The following RBFOX1 variants were observed in gnomAD, a reference collection of about 807,000 sequenced individuals.
RBFOX1 encodes RNA binding fox-1 homolog 1.
Under a neutral mutation model 57.7 loss-of-function variants are expected in RBFOX1, and 8 were observed. The ratio of observed to expected loss-of-function variants is 0.14; its 90% CI spans 0.08 to 0.25. The LOEUF (loss-of-function observed/expected upper bound fraction) is 0.25. Ranked by LOEUF, RBFOX1 falls within the 10% of genes least tolerant of loss-of-function variation. The pLI is 1.00. For missense variants in RBFOX1, 611 were observed against 548.5 expected, an observed-to-expected ratio of 1.11 and a Z score of -1.14; for synonymous variants, 326 against 222.4, an observed-to-expected ratio of 1.47 and a Z score of -4.15.
intron 3 of RBFOX1, among the ~76,000 whole-genome samples, chr16:6,860,204 C>G (rs1183109803): frequency 2.0e-5 from 3 of 152,130 alleles, no homozygotes; most frequent in African/African-American, 7.2e-5. Flanking sequence ...TGAATTCATT[C>G]AACAATATAT....
intron 4 of RBFOX1, among the ~76,000 whole-genome samples, chr16:5,940,429 C>A (rs549562911): frequency 8.5e-5 from 13 of 152,158 alleles, no homozygotes; most frequent in South Asian, 6.2e-4. Context: ...AATCTAGGCA[C>A]TGAGAATTGG....
intron 3 of RBFOX1, among the ~76,000 whole-genome samples, chr16:5,698,913 ATTTC>A (rs1257670350): frequency 1.4e-5 from 2 of 145,264 alleles, no homozygotes. Flanking sequence ...TTGTTTTCCT[ATTTC>A]TTTCTTTCCC....
chr16:5,803,898 T>G (rs868507072), intron 3 of RBFOX1, among the ~76,000 whole-genome samples: 3 of 152,164 alleles, frequency 2.0e-5, no homozygotes, highest in African/African-American at 7.2e-5. Flanking sequence ...TTCCACACCT[T>G]TGCATATACT....
chr16:5,585,273 T>C (rs1028056249), intron 2 of RBFOX1, among the ~76,000 whole-genome samples: 2 of 152,226 alleles, frequency 1.3e-5, no homozygotes, highest in Admixed American at 6.5e-5. Context: ...TGTATGGTAT[T>C]GGTAACTGGC....
At chr16:6,122,627 C>G (rs1174375862) in intron 1 of RBFOX1, among the ~76,000 whole-genome samples, 2 of 152,164 alleles carry the variant, frequency 1.3e-5, no homozygotes, top group Non-Finnish European at 2.9e-5. Context: ...TAATGATTGA[C>G]TGACAGTGGG....
chr16:7,593,792 G>A (rs2094557592), intron 7 of RBFOX1, among the ~76,000 whole-genome samples: 1 of 152,030 alleles, frequency 6.6e-6, no homozygotes, highest in Non-Finnish European at 1.5e-5. Flanking sequence ...AAGGATTTGG[G>A]TATCAGGGGT....
At chr16:5,670,495 G>A (rs902483168) in intron 3 of RBFOX1, among the ~76,000 whole-genome samples, 3 of 152,128 alleles carry the variant, frequency 2.0e-5, no homozygotes, top group Admixed American at 6.5e-5. Flanking sequence ...GGAAGATATG[G>A]GAACATATGC....
intron 4 of RBFOX1, among the ~76,000 whole-genome samples, chr16:7,151,167 A>T (rs544079772): frequency 6.6e-6 from 1 of 152,326 alleles, no homozygotes; most frequent in African/African-American, 2.4e-5. Flanking sequence ...TGGTTGCTGA[A>T]CTAGAGGCTA....
In RBFOX1 at chr16:6,881,686, C is replaced by T. The variant is rs142242909; in HGVS notation, c.-15-170371C>T. ...CATTCTTAGATGTTGGCAGTTAAGACTTCAACGTCTTAACGTTGAATTTGC... is the reference window on the plus strand; with the variant it reads ...CATTCTTAGATGTTGGCAGTTAAGATTTCAACGTCTTAACGTTGAATTTGC... On this transcript the variant is annotated intron_variant, in intron 3 of 15. Coordinates refer to ENST00000550418, the MANE Select transcript of RBFOX1 (RefSeq NM_018723.4). Among the ~76,000 whole-genome samples the T allele has an allele frequency of 8.7e-4, 133 of 152,296 alleles. 1 individual carries two copies. The highest frequency in any genetic ancestry group is 3.1e-3 in the African/African-American group (130 of 41,554).
At chr16:7,117,244 G>T (rs1207873367) in intron 4 of RBFOX1, among the ~76,000 whole-genome samples, 1 of 152,090 alleles carries the variant, frequency 6.6e-6, no homozygotes, top group Admixed American at 6.6e-5. Context: ...TTAAACTCGG[G>T]AAAAACTGAT....
rs150787270 is a variant in RBFOX1 at position 6,432,472 on chromosome 16, G to C, written c.-64+115415G>C. On this transcript the variant is annotated intron_variant, in intron 2 of 15. Coordinates refer to ENST00000550418, the MANE Select transcript of RBFOX1 (RefSeq NM_018723.4). ...GGATCACCTGAGGTCAGGAGTTCAA[G>C]ACCAGCCTGGCCAACAGGGTGTAAC... 3.3e-3 allele frequency among the ~76,000 whole-genome samples: 502 copies of C among 150,106 alleles called. 4 individuals carry two copies. The highest frequency in any genetic ancestry group is 0.012 in the African/African-American group (477 of 40,694).
intron 4 of RBFOX1, among the ~76,000 whole-genome samples, chr16:7,098,534 A>G (rs1347735449): frequency 6.6e-6 from 1 of 152,218 alleles, no homozygotes; most frequent in East Asian, 1.9e-4. Flanking sequence ...ACTTTACTTT[A>G]TTGAAATGTA....
intron 7 of RBFOX1, among the ~76,000 whole-genome samples, chr16:7,595,315 C>G (rs1231729308): frequency 6.6e-6 from 1 of 151,860 alleles, no homozygotes; most frequent in African/African-American, 2.4e-5. Context: ...TTTTTGGTAT[C>G]CTTCTTTGAA....
At chr16:5,447,815 C>A (rs893648669) in intron 1 of RBFOX1, among the ~76,000 whole-genome samples, 1 of 152,256 alleles carries the variant, frequency 6.6e-6, no homozygotes, top group Non-Finnish European at 1.5e-5. Flanking sequence ...TCAGCCTCTT[C>A]TGTGCTTGGC....
intron 4 of RBFOX1, among the ~76,000 whole-genome samples, chr16:5,878,282 A>G (rs1007503246): frequency 6.6e-6 from 1 of 152,232 alleles, no homozygotes; most frequent in Admixed American, 6.5e-5. Flanking sequence ...GCCAGCAGTT[A>G]TTAATGCTCA....
chr16:7,048,326 C>T (rs1305259743), intron 3 of RBFOX1, among the ~76,000 whole-genome samples: 2 of 152,144 alleles, frequency 1.3e-5, no homozygotes, highest in African/African-American at 2.4e-5. Flanking sequence ...GTGGCACAAT[C>T]TTGGCTCACT....
chr16:6,328,247 G>A (rs1485701761), intron 2 of RBFOX1, among the ~76,000 whole-genome samples: 1 of 152,140 alleles, frequency 6.6e-6, no homozygotes, highest in Non-Finnish European at 1.5e-5. Context: ...AAAGGCATAA[G>A]AATGATGCAA....
chr16:6,607,386 A>T (rs1047829210), intron 2 of RBFOX1, among the ~76,000 whole-genome samples: 1 of 151,892 alleles, frequency 6.6e-6, no homozygotes, highest in Non-Finnish European at 1.5e-5. Flanking sequence ...ATTTCCAGTT[A>T]TCATAAGCAG....
intron 2 of RBFOX1, among the ~76,000 whole-genome samples, chr16:6,387,903 C>G (rs1297919832): frequency 6.6e-6 from 1 of 151,960 alleles, no homozygotes; most frequent in Non-Finnish European, 1.5e-5. Context: ...CACTGTGTAC[C>G]CCAGTCACTA....
Sources: allele counts gnomAD v4.1 joint callset (sites outside exome capture counted in the v4.1 genomes callset), GRCh38; gene constraint gnomAD v4.1.1; transcripts MANE v1.5; gene names NCBI Gene and HGNC (gene_info 2026-07-23, HGNC 2026-07-21).